The following SLC9B2 variants were observed in gnomAD, a reference collection of about 807,000 sequenced individuals.
The protein encoded by SLC9B2 is sodium/hydrogen exchanger 9B2.
In SLC9B2, 39 loss-of-function variants were observed where a neutral mutation model predicts 52.2. That is an observed-to-expected ratio of 0.75 (90% CI 0.58 to 0.98). SLC9B2 has a LOEUF of 0.98. Among genes scored for constraint, SLC9B2 ranks in the 50% least tolerant of loss-of-function variants. The pLI, the probability that SLC9B2 is intolerant of heterozygous loss-of-function variation, is 0.00. For synonymous variants in SLC9B2, 214 were observed against 227.0 expected (o/e 0.94, Z 0.51); for missense variants, 626 against 637.5 (o/e 0.98, Z 0.19).
intron 4 of SLC9B2, among the ~76,000 whole-genome samples, chr4:103,055,654 GAA>G (rs201862528): frequency 6.9e-6 from 1 of 144,246 alleles, no homozygotes; most frequent in African/African-American, 2.5e-5. Flanking sequence ...ACAGCTAACA[GAA>G]AAAAAAAAAC....
chr4:103,032,079 C>G (rs1742757131), intron 9 of SLC9B2, among the ~76,000 whole-genome samples: 1 of 152,078 alleles, frequency 6.6e-6, no homozygotes, highest in Non-Finnish European at 1.5e-5. Flanking sequence ...TATGAGGACT[C>G]CTACTTCTGA....
rs1744223712 is a variant in SLC9B2 at position 103,047,162 on chromosome 4, C to T, written c.778G>A (p.Gly260Ser). Reference sequence around the variant, plus strand: ...GGGACACCCTTCTCAACACCATAGCCTCCTCCCTGCAAAAGGAGCATTGAA... The same window carrying T: ...GGGACACCCTTCTCAACACCATAGCTTCCTCCCTGCAAAAGGAGCATTGAA... ...VPSMLLLQGG[G>S]YGVEKGVPTL... The change falls in exon 7 of 12, where the codon GGC (glycine) becomes AGC (serine). Residue 260 changes from glycine to serine, a missense_variant. By Grantham distance (56) the Gly-to-Ser change is moderately conservative. Transcript: ENST00000394785. 6.2e-7 allele frequency: 1 copy of T among 1,613,904 alleles called. No individual in the cohort carries two copies. The highest frequency in any genetic ancestry group is 8.5e-7 in the Non-Finnish European group (1 of 1,179,936).
intron 4 of SLC9B2, among the ~76,000 whole-genome samples, chr4:103,054,142 G>A (rs924545348): frequency 1.3e-5 from 2 of 152,046 alleles, no homozygotes; most frequent in African/African-American, 4.8e-5. Context: ...AGGGACATGT[G>A]CCTGTAGTCC....
chr4:103,066,197 G>C lies in SLC9B2; in HGVS notation c.271+130C>G, dbSNP rs1361258338. On this transcript the variant is annotated intron_variant, in intron 3 of 11. Coordinates refer to ENST00000394785, the MANE Select transcript of SLC9B2 (RefSeq NM_178833.7). ...GTGGAGCAGAGCCACCCATGTGTGT[G>C]AATTGTTCACCAACTAGTTTTTATG... is the stretch of plus-strand genomic sequence containing the variant. 4.7e-6 allele frequency: 5 copies of C among 1,070,134 alleles called. No homozygotes were observed. The African/African-American group carries it at 6.4e-5, about 14-fold the overall frequency. 66.3% of individuals were successfully genotyped at this position (1,070,134 alleles called of 1,614,324 possible). A position where few individuals can be genotyped will look rare whatever the true frequency, so the allele number is the denominator to read the frequency against.
At chr4:103,073,043 G>A (rs532292847) in intron 1 of SLC9B2, among the ~76,000 whole-genome samples, 28 of 152,122 alleles carry the variant, frequency 1.8e-4, no homozygotes, top group African/African-American at 9.7e-5. Flanking sequence ...AGAAGACATG[G>A]CAAGAAGGCA....
intron 11 of SLC9B2, among the ~76,000 whole-genome samples, chr4:103,027,505 GA>G (rs1482790718): frequency 6.6e-6 from 1 of 152,110 alleles, no homozygotes; most frequent in Admixed American, 6.6e-5. Flanking sequence ...AAAACATTAT[GA>G]AAATTCTCAG....
rs997392570 is a variant in SLC9B2, at chr4:103,022,808, G to A, written c.*3562C>T. Among the ~76,000 whole-genome samples, 4 of 152,182 alleles carry A rather than the reference G, an allele frequency of 2.6e-5. No individual in the cohort carries two copies. The highest frequency in any genetic ancestry group is 4.4e-5 in the Non-Finnish European group (3 of 68,038). Reference sequence around the variant, plus strand: ...GTATTTAGATATGAGGATTTGGGAAGGCAATTAGATTTGGATGAGGTCATG... The same window carrying A: ...GTATTTAGATATGAGGATTTGGGAAAGCAATTAGATTTGGATGAGGTCATG... On this transcript the variant is annotated 3_prime_UTR_variant, in exon 12 of 12. Coordinates refer to ENST00000394785, the MANE Select transcript of SLC9B2 (RefSeq NM_178833.7).
chr4:103,070,639 G>A (rs1009220678), intron 1 of SLC9B2, among the ~76,000 whole-genome samples: 2 of 152,002 alleles, frequency 1.3e-5, no homozygotes, highest in South Asian at 2.1e-4. Context: ...ATGGGTTTTC[G>A]CCATGTCAGC....
At chr4:103,042,541 T>C (rs1743728208) in intron 9 of SLC9B2, 1 of 151,540 alleles carries the variant, frequency 6.6e-6, no homozygotes, top group Non-Finnish European at 1.5e-5. Context: ...TGGGTAGTAA[T>C]CATATGAAAA....
chr4:103,033,660 CAAAT>C (rs1260546909), intron 9 of SLC9B2, among the ~76,000 whole-genome samples: 2 of 152,084 alleles, frequency 1.3e-5, no homozygotes, highest in Non-Finnish European at 2.9e-5. Flanking sequence ...TTTCTATACA[CAAAT>C]AACGTACAAG....
At chr4:103,055,489 T>C (rs1745051462) in intron 4 of SLC9B2, among the ~76,000 whole-genome samples, 2 of 152,336 alleles carry the variant, frequency 1.3e-5, no homozygotes, top group South Asian at 2.1e-4. Context: ...GGACTATCTT[T>C]AGTTTTACCT....
At chr4:103,046,425 G>C (rs1396951400) in intron 7 of SLC9B2, among the ~76,000 whole-genome samples, 2 of 152,110 alleles carry the variant, frequency 1.3e-5, no homozygotes, top group African/African-American at 2.4e-5. Flanking sequence ...TTGAACAACA[G>C]TGGGAGAAAA....
intron 6 of SLC9B2, among the ~76,000 whole-genome samples, chr4:103,047,663 C>A (rs561034017): frequency 6.6e-6 from 1 of 150,780 alleles, no homozygotes; most frequent in African/African-American, 2.4e-5. Flanking sequence ...TTTGTCCTTG[C>A]GATAGTTTGC....
At chr4:103,027,606 T>C (rs1742337753) in intron 11 of SLC9B2, among the ~76,000 whole-genome samples, 1 of 151,982 alleles carries the variant, frequency 6.6e-6, no homozygotes, top group African/African-American at 2.4e-5. Flanking sequence ...CAGAGAACAA[T>C]GTAAGCCTCT....
rs1349723977 is a variant in SLC9B2 at position 103,025,579 on chromosome 4, A to G, written c.*791T>C. The stretch of plus-strand genomic sequence containing the variant: ...AGCACATTACCCTAATGTAATATTC[A>G]TAAGACTGGCATAGATTTGAAACTT... On this transcript the variant is annotated 3_prime_UTR_variant, in exon 12 of 12. Transcript: ENST00000394785. 2.0e-5 allele frequency: 3 copies of G among 152,196 alleles called. No individual in the cohort carries two copies. Among genetic ancestry groups the G allele is most frequent in the Non-Finnish European group, 2.9e-5 (2 of 68,040 alleles). The allele number at this position is 152,196 out of a possible 1,614,324, so 9.4% of individuals were successfully genotyped here. A position where few individuals can be genotyped will look rare whatever the true frequency, so the allele number is the denominator to read the frequency against.
chr4:103,047,339 T>C (rs1328456302), intron 6 of SLC9B2, 113 bp from the exon 7 acceptor site: 2 of 940,464 alleles, frequency 2.1e-6, no homozygotes, highest in African/African-American at 3.3e-5. Flanking sequence ...AGTCTTTCTT[T>C]TTTTTTTTCT....
chr4:103,067,736 G>C, intron 1 of SLC9B2, 144 bp from the exon 2 acceptor site: 1 of 566,022 alleles, frequency 1.8e-6, no homozygotes, highest in Non-Finnish European at 3.1e-6. Flanking sequence ...TCAATGGCTG[G>C]TTATTGTTTT....
chr4:103,054,921 A>T (rs1046001191), intron 4 of SLC9B2, among the ~76,000 whole-genome samples: 2 of 152,222 alleles, frequency 1.3e-5, no homozygotes, highest in Non-Finnish European at 2.9e-5. Context: ...TCATGCTGCT[A>T]TAAAGACACA....
At chr4:103,019,513 G>T (rs933202986), downstream of SLC9B2, 1 of 921,906 alleles carries the variant, frequency 1.1e-6, no homozygotes, top group Non-Finnish European at 1.3e-6. Context: ...GCCCTCCTGC[G>T]GCCTACCGCA....
Sources: gnomAD v4.1 joint callset for allele counts (sites outside exome capture counted in the v4.1 genomes callset) on GRCh38, gnomAD v4.1.1 for gene constraint, MANE v1.5 for transcripts, NCBI Gene and HGNC (gene_info 2026-07-23, HGNC 2026-07-21) for gene names.